Variants in USP34 observed in about 807,000 individuals in gnomAD.
USP34 encodes the protein ubiquitin specific peptidase 34.
A neutral mutation model predicts 460.3 loss-of-function variants in USP34; 70 were observed. That is an observed-to-expected ratio of 0.15 (90% CI 0.13 to 0.19). USP34 has a LOEUF of 0.19. Ranked by LOEUF, USP34 falls within the 10% of genes least tolerant of loss-of-function variation. The pLI is 1.00. For missense variants in USP34, 3,985 were observed against 4,236.2 expected (o/e 0.94, Z 1.65); for synonymous variants, 1,647 against 1,405.3 (o/e 1.17, Z -3.85).
chr2:61,402,571 TATAAA>T (rs1458403191), intron 3 of USP34, among the ~76,000 whole-genome samples: 5 of 152,224 alleles, frequency 3.3e-5, no homozygotes, highest in African/African-American at 7.2e-5. Context: ...TTGCTTCTTC[TATAAA>T]ATAAAAGTGT....
rs1558473714 is a variant in USP34 at position 61,221,615 on chromosome 2, C to T, written c.7795-9G>A. 1 of 1,613,146 alleles carries T rather than the reference C, an allele frequency of 6.2e-7. No individual in the cohort carries two copies. Among genetic ancestry groups the T allele is most frequent in the Non-Finnish European group, 8.5e-7 (1 of 1,179,356 alleles). ...AAGAAAGGATTGGCTGCCTGTAAAA[C>T]ACATACATGACTGTGTATTTAGATC... On this transcript the variant is annotated splice_polypyrimidine_tract_variant and intron_variant, in intron 65 of 79. Transcript: ENST00000398571.
At chr2:61,443,819 A>G (rs1573047854) in intron 1 of USP34, among the ~76,000 whole-genome samples, 1 of 152,184 alleles carries the variant, frequency 6.6e-6, no homozygotes, top group Non-Finnish European at 1.5e-5. Flanking sequence ...AGTCATAATG[A>G]TATGTTAACG....
intron 58 of USP34, 135 bp downstream of exon 58, chr2:61,232,317 T>C: frequency 1.4e-6 from 1 of 731,902 alleles, no homozygotes; most frequent in Non-Finnish European, 2.2e-6. Flanking sequence ...ACAAAATGAC[T>C]TTTATGATAG....
At position 61,348,222 on chromosome 2, in the gene USP34, T is replaced by C; in HGVS notation, c.1933A>G (p.Arg645Gly). The change falls in exon 15 of 80, where the codon AGA becomes GGA. Residue 645 changes from arginine (R) to glycine (G), a missense_variant. By Grantham distance (125) the Arg-to-Gly change is moderately radical. Transcript: ENST00000398571. ...KSSCGTDLRNRKLESQAGICL... is the reference protein window; with the variant it reads ...KSSCGTDLRNGKLESQAGICL... The stretch of plus-strand genomic sequence containing the variant: ...ATGCCTGCTTGACTCTCTAACTTTC[T>C]ATTCCGAAGATCTGTACCACAACTG... 2.5e-6 allele frequency: 4 copies of C among 1,614,224 alleles called. No individual in the cohort carries two copies. Among genetic ancestry groups the C allele is most frequent in the Non-Finnish European group, 3.4e-6 (4 of 1,180,040 alleles).
chr2:61,229,750 G>T, intron 58 of USP34, 117 bp from the exon 59 acceptor site: 1 of 813,606 alleles, frequency 1.2e-6, no homozygotes, highest in East Asian at 2.7e-5. Flanking sequence ...AGATTATCTT[G>T]GTATTCTGGA....
At chr2:61,470,484 G>A (rs1354130266) in intron 1 of USP34, among the ~76,000 whole-genome samples, 166 bp downstream of exon 1, 2 of 147,950 alleles carry the variant, frequency 1.4e-5, no homozygotes, top group African/African-American at 2.4e-5. Flanking sequence ...CTGGGCCCGA[G>A]GCGCCGCGGC....
intron 21 of USP34, among the ~76,000 whole-genome samples, chr2:61,322,895 A>AATAAAAAATAATTATTCTGTTTTTTATT (rs1205797704): frequency 5.3e-5 from 8 of 152,218 alleles, no homozygotes; most frequent in Non-Finnish European, 1.0e-4. Flanking sequence ...TCAACTAAAT[A>AATAAAAAATAATTATTCTGTTTTTTATT]AAAAAACAGA....
At chr2:61,314,801 CA>C (rs1690693771) in intron 24 of USP34, 57 bp from the exon 25 acceptor site, 1 of 1,585,000 alleles carries the variant, frequency 6.3e-7, no homozygotes, top group South Asian at 1.2e-5. Flanking sequence ...TTAGCTATAT[CA>C]AAGAAAAATT....
At chr2:61,284,317 T>C (rs4671403) in intron 35 of USP34, among the ~76,000 whole-genome samples, 82,130 of 151,774 alleles carry the variant, frequency 0.54, 22,483 homozygotes, top group South Asian at 0.74. Flanking sequence ...TCATGAAAAC[T>C]CAAACTGAAA....
intron 41 of USP34, among the ~76,000 whole-genome samples, chr2:61,268,765 T>A (rs1160665973): frequency 6.6e-6 from 1 of 151,926 alleles, no homozygotes; most frequent in Non-Finnish European, 1.5e-5. Context: ...AAATAGAAAA[T>A]AGGAAGAGAG....
At chr2:61,442,438 A>T (rs1694992968) in intron 1 of USP34, among the ~76,000 whole-genome samples, 1 of 152,080 alleles carries the variant, frequency 6.6e-6, no homozygotes, top group South Asian at 2.1e-4. Context: ...ATCCAATTAA[A>T]AATGCACACA....
intron 1 of USP34, among the ~76,000 whole-genome samples, chr2:61,446,981 G>T (rs1377094430): frequency 6.6e-6 from 1 of 151,992 alleles, no homozygotes; most frequent in African/African-American, 2.4e-5. Context: ...TAGGCCGGGC[G>T]TGGTGGCTCA....
intron 49 of USP34, 151 bp downstream of exon 49, chr2:61,248,360 A>G (rs1688479974): frequency 7.2e-6 from 5 of 694,516 alleles, no homozygotes; most frequent in Non-Finnish European, 9.1e-6. Context: ...TTACTGGTTA[A>G]CTGACTGAAT....
At chr2:61,317,995 C>A (rs1690801888) in intron 22 of USP34, among the ~76,000 whole-genome samples, 1 of 151,852 alleles carries the variant, frequency 6.6e-6, no homozygotes, top group Non-Finnish European at 1.5e-5. Flanking sequence ...AGTTTTGAGA[C>A]CAGCCTGGGC....
chr2:61,306,371 G>C (rs1385189257), intron 27 of USP34, among the ~76,000 whole-genome samples: 2 of 152,176 alleles, frequency 1.3e-5, no homozygotes, highest in Admixed American at 6.5e-5. Context: ...TCAAAGAACA[G>C]ATGGTTGTAG....
chr2:61,270,071 C>T (rs1689168364), intron 41 of USP34, among the ~76,000 whole-genome samples: 1 of 152,178 alleles, frequency 6.6e-6, no homozygotes, highest in Non-Finnish European at 1.5e-5. Context: ...CCCTTCCCAG[C>T]CTAAAATTAC....
chr2:61,228,534 A>G, intron 61 of USP34, 111 bp downstream of exon 61: 2 of 843,590 alleles, frequency 2.4e-6, no homozygotes, highest in South Asian at 4.0e-5. Context: ...ATTATCTAAC[A>G]CCAGGTTCCA....
intron 8 of USP34, among the ~76,000 whole-genome samples, chr2:61,375,291 T>C (rs931190906): frequency 6.6e-6 from 1 of 152,156 alleles, no homozygotes. Context: ...CCTACAATGC[T>C]AGTGGGGATG....
At chr2:61,320,989 G>A (rs768557166) in intron 21 of USP34, among the ~76,000 whole-genome samples, 2 of 151,866 alleles carry the variant, frequency 1.3e-5, no homozygotes, top group African/African-American at 2.4e-5. Context: ...CATCCTGTGC[G>A]ACAAGAGCAA....
Sources: allele counts gnomAD v4.1 joint callset (sites outside exome capture counted in the v4.1 genomes callset), GRCh38; gene constraint gnomAD v4.1.1; transcripts MANE v1.5; gene names NCBI Gene and HGNC (gene_info 2026-07-23, HGNC 2026-07-21).